Variants in PCDHGA6 observed in about 807,000 individuals in gnomAD.
PCDHGA6 encodes protocadherin gamma-A6.
PCDHGA6 carries 41 observed loss-of-function variants against 60.6 expected under a neutral mutation model. The ratio of observed to expected loss-of-function variants is 0.68; its 90% CI spans 0.53 to 0.88. The LOEUF (loss-of-function observed/expected upper bound fraction) is 0.88, where lower values mean the gene tolerates loss of function less well. Among genes scored for constraint, PCDHGA6 ranks in the 40% least tolerant of loss-of-function variants. The pLI is 0.00. For synonymous variants in PCDHGA6, 594 were observed against 524.4 expected (o/e 1.13, Z -1.81); for missense variants, 1,312 against 1,203.0 (o/e 1.09, Z -1.34).
rs377138746 is a variant in PCDHGA6, at chr5:141,432,481, C to A, written c.2424+55974C>A. Reference sequence around the variant, plus strand: ...CCCTCCCCACGGACGGTTCCACTGGCGTGGAGCTGGCTCCCCGCTCCGCAG... The same window carrying A: ...CCCTCCCCACGGACGGTTCCACTGGAGTGGAGCTGGCTCCCCGCTCCGCAG... On this transcript the variant is annotated intron_variant, in intron 1 of 3. Transcript: ENST00000517434. This position sits in a 1 kb window ranked among gnomAD's most constrained non-coding sequence, Gnocchi z 6.0. 6.2e-7 allele frequency: 1 copy of A among 1,614,080 alleles called. No individual in the cohort carries two copies.
In PCDHGA6 at chr5:141,491,049, G is replaced by A. The variant is rs369146505; in HGVS notation, c.2425-3758G>A. Reference sequence around the variant, plus strand: ...TGGATGCTGATGCAGGCCACAATGCGTGGCTCTCCTACTCACTGTTGCCAC... The same window carrying A: ...TGGATGCTGATGCAGGCCACAATGCATGGCTCTCCTACTCACTGTTGCCAC... On this transcript the variant is annotated intron_variant, in intron 1 of 3. Coordinates refer to ENST00000517434, the MANE Select transcript of PCDHGA6 (RefSeq NM_018919.3). This position sits in a 1 kb window ranked among gnomAD's most constrained non-coding sequence, Gnocchi z 6.9. The A allele has an allele frequency of 3.3e-5, 53 of 1,614,116 alleles. No individual in the cohort carries two copies. The African/African-American group carries it at 5.5e-4, about 17-fold the overall frequency.
In PCDHGA6 at chr5:141,431,931, C is replaced by T. The variant is rs2097430107; in HGVS notation, c.2424+55424C>T. ...ATCTGTTTCATCCAAGGAAATCTGCCCTTTAAATTAGAAAAATCTTACGGA... is the reference window on the plus strand; with the variant it reads ...ATCTGTTTCATCCAAGGAAATCTGCTCTTTAAATTAGAAAAATCTTACGGA... On this transcript the variant is annotated intron_variant, in intron 1 of 3. Transcript: ENST00000517434. This position sits in a 1 kb window ranked among gnomAD's most constrained non-coding sequence, Gnocchi z 4.8. The T allele has an allele frequency of 6.2e-7, 1 of 1,613,924 alleles. No homozygotes were observed. Among genetic ancestry groups the T allele is most frequent in the Admixed American group, 1.7e-5 (1 of 59,986 alleles).
intron 1 of PCDHGA6, chr5:141,382,981 GC>G (rs1247248869): frequency 6.2e-7 from 1 of 1,612,206 alleles, no homozygotes; most frequent in African/African-American, 1.3e-5. Flanking sequence ...GGAAGCCTGG[GC>G]AGGACGTATT....
chr5:141,459,162 T>A (rs1408033955), intron 1 of PCDHGA6, among the ~76,000 whole-genome samples: 3 of 152,224 alleles, frequency 2.0e-5, no homozygotes, highest in African/African-American at 7.2e-5. Context: ...AACATTTCTA[T>A]AACCTTCAAA....
intron 1 of PCDHGA6, among the ~76,000 whole-genome samples, chr5:141,425,045 C>T (rs1374682125): frequency 6.6e-6 from 1 of 152,136 alleles, no homozygotes; most frequent in East Asian, 1.9e-4. Context: ...TGTAAACTGA[C>T]TATCTAGGGC....
chr5:141,405,351 C>G, intron 1 of PCDHGA6: 1 of 1,614,080 alleles, frequency 6.2e-7, no homozygotes, highest in Non-Finnish European at 8.5e-7. Flanking sequence ...TCCAAGTTTC[C>G]TATAGAAGAC....
chr5:141,458,249 GCT>G (rs1291613361), intron 1 of PCDHGA6, among the ~76,000 whole-genome samples: 1 of 152,136 alleles, frequency 6.6e-6, no homozygotes, highest in African/African-American at 2.4e-5. Flanking sequence ...AAATGATACG[GCT>G]CTGATGAGTG....
chr5:141,394,361 G>A (rs2092984834), intron 1 of PCDHGA6: 15 of 1,614,072 alleles, frequency 9.3e-6, no homozygotes, highest in Non-Finnish European at 1.2e-5. Context: ...TCCTGTATGC[G>A]CTGCAATCTT....
intron 1 of PCDHGA6, among the ~76,000 whole-genome samples, chr5:141,462,203 G>A (rs544238255): frequency 2.6e-5 from 4 of 152,036 alleles, no homozygotes; most frequent in East Asian, 1.9e-4. Flanking sequence ...CAGGTGATCC[G>A]CCTGCCTCGG....
chr5:141,414,981 C>G (rs766434004), intron 1 of PCDHGA6: 12 of 1,613,722 alleles, frequency 7.4e-6, no homozygotes, highest in East Asian at 6.7e-5. Flanking sequence ...ACAGAGACTC[C>G]GGCCAGAACG....
In PCDHGA6 at chr5:141,505,470, C is replaced by G; in HGVS notation, c.2561C>G (p.Ala854Gly). 6.2e-7 allele frequency: 1 copy of G among 1,614,186 alleles called. No individual in the cohort carries two copies. Among genetic ancestry groups the G allele is most frequent in the Non-Finnish European group, 8.5e-7 (1 of 1,180,002 alleles). Residue 854 changes from alanine to glycine, a missense_variant, in exon 3 of 4, where the codon GCG (alanine) becomes GGG (glycine). Ala to Gly is a moderately conservative substitution (Grantham distance 60). Transcript: ENST00000517434. ...GAGATGCTGCAAGCCATGATCTTGG[C>G]GTCCGCCAGTGGTAAGTGGTGTCAG... The part of the protein sequence containing the change: ...DTEMLQAMIL[A>G]SASEAADGSS...
intron 1 of PCDHGA6, chr5:141,385,269 T>TAACATCCTTAGATGTTAGA (rs771830831): frequency 1.9e-4 from 313 of 1,614,062 alleles, no homozygotes; most frequent in Non-Finnish European, 2.4e-4. Context: ...AAAATGATTC[T>TAACATCCTTAGATGTTAGA]TTGCTAACAT....
intron 1 of PCDHGA6, chr5:141,405,363 C>G (rs765508317): frequency 5.0e-6 from 8 of 1,613,808 alleles, no homozygotes; most frequent in Non-Finnish European, 6.8e-6. Context: ...ATAGAAGACA[C>G]CCCTTTGGTT....
intron 1 of PCDHGA6, chr5:141,419,710 C>T: frequency 6.2e-7 from 1 of 1,613,168 alleles, no homozygotes; most frequent in South Asian, 1.1e-5. Context: ...CCGGGCTCTT[C>T]AGCCTGGGGC....
chr5:141,374,931 A>C lies in PCDHGA6; in HGVS notation c.848A>C (p.Lys283Thr). Residue 283 changes from lysine to threonine, a missense_variant, in exon 1 of 4, where the codon AAG becomes ACG. Transcript: ENST00000517434. ...VHGEVTYSFV[K>T]ITEKISQIFC... Reference sequence around the variant, plus strand: ...GGGGAAGTAACTTATTCCTTTGTGAAGATTACAGAAAAGATCTCACAAATT... The same window carrying C: ...GGGGAAGTAACTTATTCCTTTGTGACGATTACAGAAAAGATCTCACAAATT... The C allele has an allele frequency of 6.2e-7, 1 of 1,614,022 alleles. No homozygotes were observed. The highest frequency in any genetic ancestry group is 8.5e-7 in the Non-Finnish European group (1 of 1,179,906).
chr5:141,423,071 C>T, intron 1 of PCDHGA6: 2 of 1,614,120 alleles, frequency 1.2e-6, no homozygotes, highest in South Asian at 1.1e-5. Flanking sequence ...GCCAGCGAGC[C>T]GGGACTCTTC....
chr5:141,376,426 C>T lies in PCDHGA6; in HGVS notation c.2343C>T (p.Asn781=). 6.2e-7 allele frequency: 1 copy of T among 1,614,230 alleles called. No individual in the cohort carries two copies. Among genetic ancestry groups the T allele is most frequent in the Non-Finnish European group, 8.5e-7 (1 of 1,180,044 alleles). ...CCAACTATGCCGACACGCTTATCAA[C>T]CAGGAGAGCTATGAGAAAAGCGAGC... is the stretch of plus-strand genomic sequence containing the variant. The part of the protein sequence containing the change: ...PQPNYADTLI[N]QESYEKSEPL... The change falls in exon 1 of 4, where the codon AAC becomes AAT. Residue 781 remains asparagine (N), a synonymous_variant. Transcript: ENST00000517434.
At position 141,431,612 on chromosome 5, in the gene PCDHGA6, G is replaced by A. The variant is rs79883194; in HGVS notation, c.2424+55105G>A. 1.9e-6 allele frequency: 3 copies of A among 1,614,126 alleles called. No homozygotes were observed. The highest frequency in any genetic ancestry group is 2.5e-6 in the Non-Finnish European group (3 of 1,180,052). ...AGTGAGGTATTCCTTCCGGTATGTG[G>A]ACGACAAGGCGGCCCAAGTTTTCAA... On this transcript the variant is annotated intron_variant, in intron 1 of 3. Coordinates refer to ENST00000517434, the MANE Select transcript of PCDHGA6 (RefSeq NM_018919.3). This position sits in a 1 kb window ranked among gnomAD's most constrained non-coding sequence, Gnocchi z 4.8.
In PCDHGA6 at chr5:141,485,520, T is replaced by G. The variant is rs2099615008; in HGVS notation, c.2425-9287T>G. On this transcript the variant is annotated intron_variant, in intron 1 of 3. Transcript: ENST00000517434. This position sits in a 1 kb window ranked among gnomAD's most constrained non-coding sequence, Gnocchi z 5.7. ...TTTGTCACCGAAGGTCCTTTGGAAA[T>G]GTACCGAGCAGAGGTAGAGATCGTA... 1 of 1,614,108 alleles carries G rather than the reference T, an allele frequency of 6.2e-7. No homozygotes were observed. The highest frequency in any genetic ancestry group is 8.5e-7 in the Non-Finnish European group (1 of 1,180,012).
Sources: allele counts gnomAD v4.1 joint callset (sites outside exome capture counted in the v4.1 genomes callset), GRCh38; gene constraint gnomAD v4.1.1; non-coding constraint Gnocchi (gnomAD v3.1); transcripts MANE v1.5; gene names NCBI Gene and HGNC (gene_info 2026-07-23, HGNC 2026-07-21).